AK9: variants seen among roughly 807,000 people sequenced by gnomAD.
The protein encoded by AK9 is adenylate kinase domain containing 1.
In AK9, 191 loss-of-function variants were observed where a neutral mutation model predicts 239.6. The ratio of observed to expected loss-of-function variants is 0.80; its 90% CI spans 0.71 to 0.90. The LOEUF (loss-of-function observed/expected upper bound fraction) is 0.90, where lower values mean the gene tolerates loss of function less well. AK9 is among the 40% of genes least tolerant of loss of function. The pLI, the probability that AK9 is intolerant of heterozygous loss-of-function variation, is 0.00. For synonymous variants in AK9, 689 were observed against 721.0 expected, an observed-to-expected ratio of 0.96 and a Z score of 0.71; for missense variants, 1,995 against 2,214.7, an observed-to-expected ratio of 0.90 and a Z score of 1.99.
At chr6:109,608,113 TA>T (rs1425625739) in intron 17 of AK9, among the ~76,000 whole-genome samples, 1 of 151,358 alleles carries the variant, frequency 6.6e-6, no homozygotes, top group African/African-American at 2.4e-5. Flanking sequence ...CCGTCTTTAC[TA>T]AAAAAATACA....
chr6:109,523,618 G>A (rs1335916214), intron 29 of AK9, among the ~76,000 whole-genome samples: 1 of 152,102 alleles, frequency 6.6e-6, no homozygotes, highest in Non-Finnish European at 1.5e-5. Context: ...GTGGTGGTTT[G>A]GTGTGACTAA....
intron 10 of AK9, among the ~76,000 whole-genome samples, chr6:109,640,370 C>T (rs145932730): frequency 5.3e-5 from 8 of 152,286 alleles, no homozygotes; most frequent in Admixed American, 1.3e-4. Flanking sequence ...GGGAAATCCC[C>T]GGACCCCTTG....
chr6:109,558,990 T>G (rs1583000883), intron 24 of AK9, among the ~76,000 whole-genome samples: 1 of 151,948 alleles, frequency 6.6e-6, no homozygotes, highest in African/African-American at 2.4e-5. Flanking sequence ...CAGCTGGGAT[T>G]ACAGGCATAC....
intron 32 of AK9, among the ~76,000 whole-genome samples, chr6:109,511,765 T>A (rs910130386): frequency 2.0e-5 from 3 of 152,182 alleles, no homozygotes; most frequent in Non-Finnish European, 4.4e-5. Context: ...GCACAAATGC[T>A]GGAACGAAAT....
intron 29 of AK9, among the ~76,000 whole-genome samples, chr6:109,524,400 T>C (rs925738089): frequency 6.6e-5 from 10 of 152,134 alleles, no homozygotes; most frequent in African/African-American, 2.4e-4. Context: ...AGAAAAAATG[T>C]CTAAAGAAAT....
In AK9 at chr6:109,550,274, C is replaced by G; in HGVS notation, c.2780G>C (p.Arg927Thr). Residue 927 changes from arginine (R) to threonine (T), a missense_variant, in exon 25 of 41, where the codon AGG becomes ACG. Arg to Thr is a moderately conservative substitution (Grantham distance 71, BLOSUM62 -1). Coordinates refer to ENST00000424296, the MANE Select transcript of AK9 (RefSeq NM_001145128.3). Reference sequence around the variant, plus strand: ...AAAGTGTTTTGTGTCTCCCAAATGCCTCTTTCTCTCCTTCATTTTATCTTC... The same window carrying G: ...AAAGTGTTTTGTGTCTCCCAAATGCGTCTTTCTCTCCTTCATTTTATCTTC... ...EGEDKMKERKRHLGDTKHFCP... is the reference protein window; with the variant it reads ...EGEDKMKERKTHLGDTKHFCP... 1.2e-6 allele frequency: 2 copies of G among 1,611,518 alleles called. No individual in the cohort carries two copies. The highest frequency in any genetic ancestry group is 1.7e-5 in the Admixed American group (1 of 59,982).
At chr6:109,543,857 G>A (rs1168941542) in intron 26 of AK9, among the ~76,000 whole-genome samples, 1 of 152,050 alleles carries the variant, frequency 6.6e-6, no homozygotes, top group African/African-American at 2.4e-5. Context: ...GGTGGCTCAC[G>A]CCTGTAATCC....
At position 109,521,523 on chromosome 6, in the gene AK9, C is replaced by CA. The variant is rs576894915; in HGVS notation, c.3634-4882dup. Among the ~76,000 whole-genome samples, 68 of 152,076 alleles carry CA rather than the reference C, an allele frequency of 4.5e-4. 2 individuals carry two copies. In the South Asian group the frequency reaches 0.014, roughly 31 times the overall value. On this transcript the variant is annotated intron_variant, in intron 29 of 40. Transcript: ENST00000424296. ...CTTCAGTTTCTAAGTATTTTGTCTC[C>CA]AATATTACTACATTTATGTCCCTGT...
intron 8 of AK9, 93 bp downstream of exon 8, chr6:109,656,663 T>C: frequency 1.5e-6 from 2 of 1,361,146 alleles, no homozygotes; most frequent in Non-Finnish European, 2.0e-6. Flanking sequence ...AGACAGATAA[T>C]AACACATGGG....
chr6:109,544,451 G>A (rs1366212047), intron 26 of AK9, among the ~76,000 whole-genome samples: 4 of 152,096 alleles, frequency 2.6e-5, no homozygotes, highest in African/African-American at 7.2e-5. Context: ...TCTCATGAAT[G>A]GTTCAGCACC....
chr6:109,509,400 T>C lies in AK9; in HGVS notation c.4280-20A>G, dbSNP rs1402545282. 5 of 1,528,514 alleles carry C rather than the reference T, an allele frequency of 3.3e-6. No homozygotes were observed. Among genetic ancestry groups the C allele is most frequent in the East Asian group, 2.5e-5 (1 of 40,734 alleles). The allele number at this position is 1,528,514 out of a possible 1,614,324, so 94.7% of individuals were successfully genotyped here. A position where few individuals can be genotyped will look rare whatever the true frequency, so the allele number is the denominator to read the frequency against. ...TGGCAACTGAAAAACATAAAACTTT[T>C]AAATTAAATTAAATGATTTAGATTC... On this transcript the variant is annotated intron_variant, in intron 32 of 40. Coordinates refer to ENST00000424296, the MANE Select transcript of AK9 (RefSeq NM_001145128.3).
chr6:109,514,536 A>C, intron 31 of AK9, 99 bp from the exon 32 acceptor site: 1 of 1,046,476 alleles, frequency 9.6e-7, no homozygotes. Flanking sequence ...ATAAGAAAAA[A>C]AAATTCCTTA....
At chr6:109,674,644 G>C (rs1405062621) in intron 2 of AK9, among the ~76,000 whole-genome samples, 1 of 152,022 alleles carries the variant, frequency 6.6e-6, no homozygotes. Context: ...TGTTTTGACA[G>C]GCTTCCATTT....
At chr6:109,547,952 G>GA (rs1783810462) in intron 25 of AK9, among the ~76,000 whole-genome samples, 1 of 150,866 alleles carries the variant, frequency 6.6e-6, no homozygotes, top group African/African-American at 2.4e-5. Context: ...ACAGGTATAT[G>GA]AAAAAATGCT....
intron 27 of AK9, among the ~76,000 whole-genome samples, chr6:109,536,461 G>A (rs1479709343): frequency 6.6e-6 from 1 of 152,210 alleles, no homozygotes; most frequent in African/African-American, 2.4e-5. Flanking sequence ...TTTGTATCCT[G>A]AGACTTTGCT....
intron 8 of AK9, among the ~76,000 whole-genome samples, chr6:109,652,415 G>C (rs1305272180): frequency 1.3e-5 from 2 of 152,102 alleles, no homozygotes; most frequent in Admixed American, 6.5e-5. Flanking sequence ...AAAATAATAA[G>C]AGCTATTTAT....
At chr6:109,642,538 G>T (rs1008174217) in intron 9 of AK9, among the ~76,000 whole-genome samples, 3 of 152,174 alleles carry the variant, frequency 2.0e-5, no homozygotes, top group Non-Finnish European at 2.9e-5. Flanking sequence ...CAGTTCCCAT[G>T]GGCACCTTCA....
intron 8 of AK9, among the ~76,000 whole-genome samples, chr6:109,650,156 A>G (rs1798708852): frequency 6.6e-6 from 1 of 152,172 alleles, no homozygotes; most frequent in African/African-American, 2.4e-5. Context: ...AGGCAATACC[A>G]TTCAGGACAG....
In AK9 at chr6:109,636,286, T is replaced by C. The variant is rs147505405; in HGVS notation, c.934-2963A>G. Among the ~76,000 whole-genome samples, 17 of 152,296 alleles carry C rather than the reference T, an allele frequency of 1.1e-4. No homozygotes were observed. In the East Asian group the frequency reaches 3.3e-3, roughly 29 times the overall value. On this transcript the variant is annotated intron_variant, in intron 10 of 40. Coordinates refer to ENST00000424296, the MANE Select transcript of AK9 (RefSeq NM_001145128.3). ...TTCACCAGGGAGCTGGAGTCTACAG[T>C]AAGGTCTCTGTGGCTTTCCTACCCC...
Sources: gnomAD v4.1 joint callset for allele counts (sites outside exome capture counted in the v4.1 genomes callset) on GRCh38, gnomAD v4.1.1 for gene constraint, MANE v1.5 for transcripts, NCBI Gene and HGNC (gene_info 2026-07-23, HGNC 2026-07-21) for gene names.